Variants in MGAT4C observed in about 807,000 individuals in gnomAD.
MGAT4C encodes the protein MGAT4 family member C.
Under a neutral mutation model 40.1 loss-of-function variants are expected in MGAT4C, and 19 were observed. The observed-to-expected ratio is 0.47, with a 90% CI of 0.33 to 0.70. The LOEUF is 0.70. Among genes scored for constraint, MGAT4C ranks in the 30% least tolerant of loss-of-function variants. The pLI is 0.02. For missense variants in MGAT4C, 491 were observed against 563.2 expected (o/e 0.87, Z 1.30); for synonymous variants, 181 against 187.1 (o/e 0.97, Z 0.27).
intron 2 of MGAT4C, among the ~76,000 whole-genome samples, chr12:86,475,695 T>C (rs959902804): frequency 9.2e-5 from 14 of 152,068 alleles, no homozygotes; most frequent in African/African-American, 3.4e-4. Context: ...ATAATTTATG[T>C]TAATAGAAAA....
intron 2 of MGAT4C, among the ~76,000 whole-genome samples, chr12:86,646,671 G>A (rs1475150343): frequency 1.3e-5 from 2 of 151,736 alleles, no homozygotes; most frequent in East Asian, 3.9e-4. Context: ...GTTCACTTCT[G>A]TCTAAAGCCT....
In MGAT4C at chr12:86,219,022, A is replaced by C. The variant is rs185145160; in HGVS notation, c.-57+37217T>G. 1.2e-3 allele frequency among the ~76,000 whole-genome samples: 187 copies of C among 152,158 alleles called. 1 individual carries two copies. Among genetic ancestry groups the C allele is most frequent in the African/African-American group, 4.2e-3 (176 of 41,524 alleles). ...GGTAAAACCCCGTCTCTACTAAAAA[A>C]TAAAAAAATTAGCTGGGCGTGGTGG... On this transcript the variant is annotated intron_variant, in intron 1 of 4. Coordinates refer to ENST00000611864, the MANE Select transcript of MGAT4C (RefSeq NM_001351288.2).
chr12:86,031,742 A>G lies in MGAT4C; in HGVS notation c.-7+17932T>C, dbSNP rs955917166. 6.6e-5 allele frequency among the ~76,000 whole-genome samples: 10 copies of G among 151,760 alleles called. No individual in the cohort carries two copies. The East Asian group carries it at 1.7e-3, about 26-fold the overall frequency. ...TGCAATTGTGTTTTTACTTTATTCA[A>G]TTTTATTTATTTATATATTTACTTG... On this transcript the variant is annotated intron_variant, in intron 2 of 4. Transcript: ENST00000611864.
chr12:86,584,493 A>G (rs1252524400), intron 2 of MGAT4C, among the ~76,000 whole-genome samples: 1 of 151,212 alleles, frequency 6.6e-6, no homozygotes, highest in East Asian at 1.9e-4. Flanking sequence ...ATGTTGCTCA[A>G]CCTAAATATT....
At chr12:86,352,585 A>G in intron 3 of MGAT4C, among the ~76,000 whole-genome samples, 1 of 152,198 alleles carries the variant, frequency 6.6e-6, no homozygotes, top group South Asian at 2.1e-4. Flanking sequence ...ATTCCCTTTT[A>G]TGACCACATA....
At chr12:86,679,066 T>C (rs1397890721) in intron 2 of MGAT4C, among the ~76,000 whole-genome samples, 6 of 152,140 alleles carry the variant, frequency 3.9e-5, no homozygotes, top group Non-Finnish European at 8.8e-5. Flanking sequence ...AGTGTTCCTA[T>C]GTCTCCACAT....
intron 1 of MGAT4C, among the ~76,000 whole-genome samples, chr12:86,061,544 G>T (rs1453495365): frequency 6.6e-6 from 1 of 151,904 alleles, no homozygotes; most frequent in Non-Finnish European, 1.5e-5. Flanking sequence ...CCCTTGGAAA[G>T]GGGGCTGAAG....
intron 4 of MGAT4C, among the ~76,000 whole-genome samples, chr12:86,302,401 G>T (rs4528406): frequency 0.1 from 13,613 of 132,340 alleles, 1,928 homozygotes; most frequent in East Asian, 0.31. Context: ...TGTTTGTTTG[G>T]TTGGTTGGTT....
rs796470610 is a variant in MGAT4C, at chr12:86,236,873, C to T, written c.-57+19366G>A. ...TATCTAATGTGATTATCTTGGTAAACAGGTCCTAAAGATGATTTCAAAAAA... is the reference window on the plus strand; with the variant it reads ...TATCTAATGTGATTATCTTGGTAAATAGGTCCTAAAGATGATTTCAAAAAA... On this transcript the variant is annotated intron_variant, in intron 1 of 4. Transcript: ENST00000611864. Among the ~76,000 whole-genome samples the T allele has an allele frequency of 7.2e-5, 11 of 151,950 alleles. 1 individual carries two copies. The highest frequency in any genetic ancestry group is 2.4e-4 in the African/African-American group (10 of 41,482).
chr12:86,789,540 T>C (rs370150827), intron 1 of MGAT4C, among the ~76,000 whole-genome samples: 1 of 152,136 alleles, frequency 6.6e-6, no homozygotes, highest in African/African-American at 2.4e-5. Flanking sequence ...ACAGGATAGC[T>C]ATTTCAGCCC....
intron 1 of MGAT4C, among the ~76,000 whole-genome samples, chr12:86,238,426 A>G (rs1678160752): frequency 6.6e-6 from 1 of 152,036 alleles, no homozygotes; most frequent in Non-Finnish European, 1.5e-5. Flanking sequence ...AAATCATTAC[A>G]GTACAAATGT....
At chr12:86,298,084 A>G (rs1249902627) in intron 4 of MGAT4C, among the ~76,000 whole-genome samples, 5 of 152,110 alleles carry the variant, frequency 3.3e-5, no homozygotes, top group Admixed American at 2.6e-4. Flanking sequence ...GTGTAGGGCA[A>G]TAGGTCATGC....
intron 3 of MGAT4C, among the ~76,000 whole-genome samples, chr12:86,369,664 C>T (rs1955679877): frequency 2.6e-5 from 4 of 152,054 alleles, no homozygotes; most frequent in African/African-American, 9.6e-5. Flanking sequence ...TTTAATTGTG[C>T]AGCCATTAAT....
chr12:86,411,980 G>T (rs1956615661), intron 3 of MGAT4C, among the ~76,000 whole-genome samples: 1 of 152,204 alleles, frequency 6.6e-6, no homozygotes, highest in African/African-American at 2.4e-5. Context: ...AAGAGTGCCA[G>T]TCCTAAGGCC....
chr12:86,213,849 T>C (rs898687596), intron 1 of MGAT4C, among the ~76,000 whole-genome samples: 1 of 152,172 alleles, frequency 6.6e-6, no homozygotes, highest in Non-Finnish European at 1.5e-5. Flanking sequence ...CTAGAGCAAG[T>C]TCCAATTTTC....
chr12:86,461,751 T>C (rs1957605357), intron 2 of MGAT4C, among the ~76,000 whole-genome samples: 1 of 152,176 alleles, frequency 6.6e-6, no homozygotes, highest in African/African-American at 2.4e-5. Flanking sequence ...AATTAAAATA[T>C]AATCATTAAC....
chr12:86,245,538 C>T lies in MGAT4C; in HGVS notation c.-57+10701G>A, dbSNP rs188446615. The stretch of plus-strand genomic sequence containing the variant: ...GGGTCTAGTCATCTTCAGTTTAGCC[C>T]GAATACAAGAGATTTCTGAGTGAGT... On this transcript the variant is annotated intron_variant, in intron 1 of 4. Coordinates refer to ENST00000611864, the MANE Select transcript of MGAT4C (RefSeq NM_001351288.2). Among the ~76,000 whole-genome samples, 6 of 152,242 alleles carry T rather than the reference C, an allele frequency of 3.9e-5. No homozygotes were observed. In the East Asian group the frequency reaches 5.8e-4, roughly 15 times the overall value.
intron 2 of MGAT4C, among the ~76,000 whole-genome samples, chr12:86,481,251 G>A (rs115755550): frequency 1.3e-5 from 2 of 151,944 alleles, no homozygotes; most frequent in Admixed American, 6.6e-5. Flanking sequence ...GCTCAGTCTA[G>A]AGGGTTATAA....
intron 3 of MGAT4C, among the ~76,000 whole-genome samples, chr12:86,371,958 A>C (rs913118940): frequency 3.9e-5 from 6 of 151,976 alleles, no homozygotes; most frequent in African/African-American, 1.4e-4. Context: ...TTCTACATTT[A>C]AGTATTCAAC....
Sources: gnomAD v4.1 joint callset for allele counts (sites outside exome capture counted in the v4.1 genomes callset) on GRCh38, gnomAD v4.1.1 for gene constraint, MANE v1.5 for transcripts, NCBI Gene and HGNC (gene_info 2026-07-23, HGNC 2026-07-21) for gene names.